The following NEBL variants were observed in gnomAD, a reference collection of about 807,000 sequenced individuals.
NEBL encodes the protein nebulette.
Under a neutral mutation model 140.2 loss-of-function variants are expected in NEBL, and 122 were observed. That is an observed-to-expected ratio of 0.87 (90% confidence interval 0.75 to 1.01). The LOEUF (loss-of-function observed/expected upper bound fraction) is 1.01. Ranked by LOEUF, NEBL falls within the 50% of genes least tolerant of loss-of-function variation. NEBL has a pLI of 0.00. For synonymous variants in NEBL, 436 were observed against 398.9 expected, an observed-to-expected ratio of 1.09 and a Z score of -1.11; for missense variants, 1,365 against 1,231.3, an observed-to-expected ratio of 1.11 and a Z score of -1.62.
rs572842575 is a variant in NEBL at position 20,926,804 on chromosome 10, G to A, written c.357+34868C>T. Among the ~76,000 whole-genome samples, 8 of 152,294 alleles carry A rather than the reference G, an allele frequency of 5.3e-5. No homozygotes were observed. The East Asian group carries it at 5.8e-4, about 11-fold the overall frequency. On this transcript the variant is annotated intron_variant, in intron 4 of 6. Coordinates refer to the NEBL transcript ENST00000417816. Reference sequence around the variant, plus strand: ...CTAACAGTATTCAGGAGAAAAGAACGCAAACAGAGAGTAAACACAGATCGG... The same window carrying A: ...CTAACAGTATTCAGGAGAAAAGAACACAAACAGAGAGTAAACACAGATCGG...
intron 1 of NEBL, among the ~76,000 whole-genome samples, chr10:21,286,769 G>A (rs1424537312): frequency 6.6e-6 from 1 of 152,138 alleles, no homozygotes; most frequent in Non-Finnish European, 1.5e-5. Context: ...AACTTGGGAG[G>A]CGGAGGTTGC....
intron 1 of NEBL, among the ~76,000 whole-genome samples, chr10:21,283,135 CAAAAAA>C (rs35005779): frequency 8.2e-6 from 1 of 121,450 alleles, no homozygotes. Context: ...GACTGTGTCT[CAAAAAA>C]AAAAAAAAAA....
At position 20,984,414 on chromosome 10, in the gene NEBL, A is replaced by C. The variant is rs1339147434; in HGVS notation, c.250-22635T>G. Among the ~76,000 whole-genome samples, 3 of 152,214 alleles carry C rather than the reference A, an allele frequency of 2.0e-5. No individual in the cohort carries two copies. In the East Asian group the frequency reaches 5.8e-4, roughly 29 times the overall value. ...TGTTTTTCATGTAGGACAAAATAAA[A>C]TATTGAACGAAAACTATTATTTCTA... On this transcript the variant is annotated intron_variant, in intron 3 of 6. Coordinates refer to the NEBL transcript ENST00000417816.
At chr10:21,118,954 C>A (rs559831884) in intron 2 of NEBL, among the ~76,000 whole-genome samples, 11 of 152,304 alleles carry the variant, frequency 7.2e-5, no homozygotes, top group African/African-American at 2.6e-4. Context: ...CATTCATACA[C>A]ATCTTCTCAA....
intron 2 of NEBL, chr10:21,146,332 C>T: frequency 1.2e-6 from 2 of 1,605,554 alleles, no homozygotes; most frequent in Non-Finnish European, 1.7e-6. Context: ...GCCCCCAACA[C>T]ATACTCTACC....
intron 3 of NEBL, among the ~76,000 whole-genome samples, chr10:21,018,819 G>A (rs1838662951): frequency 6.6e-6 from 1 of 152,158 alleles, no homozygotes; most frequent in Admixed American, 6.5e-5. Flanking sequence ...CACAAAGTCA[G>A]GAGTTCAAGA....
At chr10:20,859,991 C>G (rs1299101255) in intron 7 of NEBL, among the ~76,000 whole-genome samples, 165 bp from the exon 8 acceptor site, 1 of 151,996 alleles carries the variant, frequency 6.6e-6, no homozygotes, top group East Asian at 1.9e-4. Context: ...AAGTTTTTAT[C>G]TTTAATAAAA....
In NEBL at chr10:21,040,897, A is replaced by C. The variant is rs543151523; in HGVS notation, c.165-20696T>G. Among the ~76,000 whole-genome samples the C allele has an allele frequency of 1.3e-5, 2 of 152,082 alleles. 1 individual carries two copies. Among genetic ancestry groups the C allele is most frequent in the South Asian group, 4.2e-4 (2 of 4,808 alleles). Reference sequence around the variant, plus strand: ...CTTCCTCTTCCTCCAGCTATGTAACATGTCCCTGCCTCCTCTTCACTTTCC... The same window carrying C: ...CTTCCTCTTCCTCCAGCTATGTAACCTGTCCCTGCCTCCTCTTCACTTTCC... On this transcript the variant is annotated intron_variant, in intron 2 of 6. Transcript: ENST00000417816.
At chr10:20,971,945 C>T (rs768696618) in intron 3 of NEBL, among the ~76,000 whole-genome samples, 2 of 152,008 alleles carry the variant, frequency 1.3e-5, no homozygotes, top group African/African-American at 4.8e-5. Context: ...TTACTTTGAA[C>T]CAGAAGGTAC....
intron 4 of NEBL, 130 bp downstream of exon 4, chr10:20,887,967 A>G (rs927691688): frequency 2.8e-6 from 2 of 721,380 alleles, no homozygotes; most frequent in Admixed American, 2.1e-5. Flanking sequence ...CAGCACATTA[A>G]TCAGTTGCTT....
chr10:20,928,344 GC>G (rs942498797), intron 4 of NEBL, among the ~76,000 whole-genome samples: 1 of 152,146 alleles, frequency 6.6e-6, no homozygotes, highest in Non-Finnish European at 1.5e-5. Context: ...GTGGCCAGTG[GC>G]TACCATGCTA....
chr10:20,821,556 T>C (rs937959363), intron 19 of NEBL, among the ~76,000 whole-genome samples: 8 of 152,352 alleles, frequency 5.3e-5, no homozygotes, highest in Non-Finnish European at 8.8e-5. Context: ...CTGTTTATTT[T>C]CAAATAAAGT....
intron 6 of NEBL, 58 bp from the exon 7 acceptor site, chr10:20,868,823 T>A (rs961978143): frequency 8.7e-7 from 1 of 1,147,362 alleles, no homozygotes; most frequent in African/African-American, 2.0e-5. Flanking sequence ...ATGAACTACA[T>A]TGACATTAGC....
At chr10:21,028,616 G>T (rs966592616) in intron 2 of NEBL, among the ~76,000 whole-genome samples, 7 of 152,012 alleles carry the variant, frequency 4.6e-5, no homozygotes, top group Non-Finnish European at 8.8e-5. Context: ...TCATGAGAAA[G>T]GTTAGAATAT....
chr10:21,288,621 CCT>C, intron 1 of NEBL, among the ~76,000 whole-genome samples: 1 of 150,044 alleles, frequency 6.7e-6, no homozygotes, highest in African/African-American at 2.4e-5. Flanking sequence ...ATTAGCCGGG[CCT>C]GCTGGCAGAC....
At chr10:21,133,628 C>T (rs895194538) in intron 2 of NEBL, among the ~76,000 whole-genome samples, 27 of 152,198 alleles carry the variant, frequency 1.8e-4, no homozygotes, top group Admixed American at 8.5e-4. Context: ...GCACTCAGAA[C>T]AGCATATGGC....
At chr10:20,937,595 G>A (rs1265033556) in intron 4 of NEBL, among the ~76,000 whole-genome samples, 1 of 152,168 alleles carries the variant, frequency 6.6e-6, no homozygotes, top group Non-Finnish European at 1.5e-5. Flanking sequence ...AGTGGGTGCA[G>A]GACAGTGGGT....
At chr10:21,080,478 A>G (rs1374400733) in intron 2 of NEBL, among the ~76,000 whole-genome samples, 2 of 152,274 alleles carry the variant, frequency 1.3e-5, no homozygotes, top group South Asian at 4.1e-4. Flanking sequence ...AGATTCATTC[A>G]TTGAATAATT....
intron 2 of NEBL, among the ~76,000 whole-genome samples, chr10:21,126,668 G>A (rs1381434459): frequency 6.6e-6 from 1 of 152,042 alleles, no homozygotes; most frequent in Non-Finnish European, 1.5e-5. Context: ...AGACACACAA[G>A]CCAATTAGAA....
Sources: allele counts gnomAD v4.1 joint callset (sites outside exome capture counted in the v4.1 genomes callset), GRCh38; gene constraint gnomAD v4.1.1; transcripts MANE v1.5; gene names NCBI Gene and HGNC (gene_info 2026-07-23, HGNC 2026-07-21).